Variants in STPG2 observed in about 807,000 individuals in gnomAD.
STPG2 encodes the protein sperm tail PG-rich repeat containing 2.
In STPG2, 56 loss-of-function variants were observed where a neutral mutation model predicts 54.2. The observed-to-expected ratio is 1.03, with a 90% CI of 0.83 to 1.29. The LOEUF (loss-of-function observed/expected upper bound fraction) is 1.29, where lower values mean the gene tolerates loss of function less well. STPG2 is among the 50% of genes most tolerant of loss of function. STPG2 has a pLI of 0.00. For synonymous variants in STPG2, 200 were observed against 181.8 expected, an observed-to-expected ratio of 1.10 and a Z score of -0.81; for missense variants, 596 against 544.9, an observed-to-expected ratio of 1.09 and a Z score of -0.93.
At chr4:97,979,810 C>T (rs1464762879) in intron 6 of STPG2, among the ~76,000 whole-genome samples, 7 of 151,538 alleles carry the variant, frequency 4.6e-5, no homozygotes, top group African/African-American at 1.5e-4. Context: ...CTGCAACCTC[C>T]GCCTCCCAGG....
intron 5 of STPG2, among the ~76,000 whole-genome samples, chr4:98,009,176 CTTGT>C (rs1735662650): frequency 1.3e-5 from 2 of 151,568 alleles, no homozygotes; most frequent in South Asian, 4.2e-4. Context: ...TAACTTTGGG[CTTGT>C]TTATTTCAGA....
At chr4:97,718,466 G>A (rs1724357686) in intron 9 of STPG2, among the ~76,000 whole-genome samples, 5 of 151,904 alleles carry the variant, frequency 3.3e-5, no homozygotes, top group Admixed American at 3.3e-4. Flanking sequence ...CCAGAAAGAG[G>A]AGCCTACATT....
At chr4:98,020,174 T>A (rs1307280556) in intron 5 of STPG2, among the ~76,000 whole-genome samples, 1 of 132,962 alleles carries the variant, frequency 7.5e-6, no homozygotes, top group Admixed American at 7.3e-5. Context: ...TAGCTCTTAT[T>A]ATTTTGAGAT....
At chr4:97,759,669 T>C (rs777763648) in intron 9 of STPG2, among the ~76,000 whole-genome samples, 2 of 152,026 alleles carry the variant, frequency 1.3e-5, no homozygotes, top group Non-Finnish European at 2.9e-5. Flanking sequence ...CATATAAAAC[T>C]GAAAAAATTA....
At chr4:97,930,879 T>C (rs956073525) in intron 8 of STPG2, among the ~76,000 whole-genome samples, 6 of 152,200 alleles carry the variant, frequency 3.9e-5, no homozygotes, top group Non-Finnish European at 7.3e-5. Flanking sequence ...GTTTTGTAAT[T>C]CTCATTTTAG....
At chr4:97,732,639 G>A (rs1226370354) in intron 9 of STPG2, among the ~76,000 whole-genome samples, 1 of 151,808 alleles carries the variant, frequency 6.6e-6, no homozygotes, top group East Asian at 1.9e-4. Context: ...CAACCCACAA[G>A]AAAATATTTG....
chr4:97,889,548 C>A (rs887498653), intron 8 of STPG2, among the ~76,000 whole-genome samples: 1 of 152,006 alleles, frequency 6.6e-6, no homozygotes, highest in African/African-American at 2.4e-5. Flanking sequence ...TTATGTTACA[C>A]AAAATAAGCC....
chr4:97,930,177 A>G (rs559359032), intron 8 of STPG2, among the ~76,000 whole-genome samples: 27 of 152,254 alleles, frequency 1.8e-4, no homozygotes, highest in African/African-American at 6.3e-4. Flanking sequence ...GATTACAGGC[A>G]TGAGCCACCA....
At chr4:97,838,502 A>G (rs1336235814) in intron 9 of STPG2, among the ~76,000 whole-genome samples, 1 of 151,132 alleles carries the variant, frequency 6.6e-6, no homozygotes, top group East Asian at 1.9e-4. Flanking sequence ...ATTAAAAAGA[A>G]TAGACAATTT....
chr4:98,006,310 A>T (rs1386441713), intron 5 of STPG2, among the ~76,000 whole-genome samples: 1 of 152,186 alleles, frequency 6.6e-6, no homozygotes, highest in Non-Finnish European at 1.5e-5. Context: ...TCCACTGGGG[A>T]ACAGTGCAAC....
chr4:97,656,504 TCATTGTTGCTCAATATCACTGAGCATTCC>T (rs1443323687), intron 10 of STPG2, among the ~76,000 whole-genome samples: 1 of 152,014 alleles, frequency 6.6e-6, no homozygotes, highest in African/African-American at 2.4e-5. Context: ...ATATAACAAG[TCATTGTTGCTCAATATCACTGAGCATTCC>T]CCTTCTTGCT....
rs371129796 is a variant in STPG2, at chr4:97,559,152, C to T, written c.1321-35G>A. The T allele has an allele frequency of 6.6e-5, 90 of 1,357,000 alleles. No homozygotes were observed. In the Middle Eastern group the frequency reaches 7.4e-4, roughly 11 times the overall value. The allele number at this position is 1,357,000 out of a possible 1,614,324, so 84.1% of individuals were successfully genotyped here. On this transcript the variant is annotated intron_variant, in intron 10 of 10. Coordinates refer to ENST00000295268, the MANE Select transcript of STPG2 (RefSeq NM_174952.3). ...AAGAATGAGAAAAAAAGGAGGAAAA[C>T]ATCTACTTACAAAAAGAAAAATAAT... is the stretch of plus-strand genomic sequence containing the variant.
intron 7 of STPG2, among the ~76,000 whole-genome samples, chr4:97,949,361 T>A (rs1331153246): frequency 6.6e-6 from 1 of 152,204 alleles, no homozygotes; most frequent in Non-Finnish European, 1.5e-5. Flanking sequence ...TTTGTGATTT[T>A]TCTTATCTAA....
At chr4:97,755,743 CTAAGTT>C (rs1241025616) in intron 9 of STPG2, among the ~76,000 whole-genome samples, 1 of 152,154 alleles carries the variant, frequency 6.6e-6, no homozygotes, top group Non-Finnish European at 1.5e-5. Flanking sequence ...AAAGCTCTCT[CTAAGTT>C]TATTTTCTTA....
chr4:98,003,785 T>C (rs1735487795), intron 5 of STPG2, among the ~76,000 whole-genome samples: 1 of 152,108 alleles, frequency 6.6e-6, no homozygotes, highest in Non-Finnish European at 1.5e-5. Context: ...ATTCATACTT[T>C]TCACTTTTTG....
intron 5 of STPG2, among the ~76,000 whole-genome samples, chr4:98,041,991 A>G (rs958619785): frequency 1.3e-5 from 2 of 151,788 alleles, no homozygotes; most frequent in African/African-American, 4.8e-5. Flanking sequence ...GAGATTTTTT[A>G]TTACTGATTC....
intron 5 of STPG2, among the ~76,000 whole-genome samples, chr4:98,046,516 A>G (rs1478062469): frequency 6.6e-6 from 1 of 152,108 alleles, no homozygotes; most frequent in Non-Finnish European, 1.5e-5. Flanking sequence ...TGCCTCTGAA[A>G]CCAGTGAGCT....
intron 8 of STPG2, among the ~76,000 whole-genome samples, chr4:97,848,125 C>T (rs1386226132): frequency 6.6e-6 from 1 of 152,130 alleles, no homozygotes; most frequent in Non-Finnish European, 1.5e-5. Context: ...TCCTTGGCAT[C>T]CAAAGCCTCT....
At chr4:97,508,330 T>C (rs1249173793) in intron 4 of STPG2, among the ~76,000 whole-genome samples, 3 of 152,106 alleles carry the variant, frequency 2.0e-5, no homozygotes, top group African/African-American at 7.2e-5. Context: ...GAGTTTACCA[T>C]ATATTGGTTC....
Sources: gnomAD v4.1 joint callset for allele counts (sites outside exome capture counted in the v4.1 genomes callset) on GRCh38, gnomAD v4.1.1 for gene constraint, MANE v1.5 for transcripts, NCBI Gene and HGNC (gene_info 2026-07-23, HGNC 2026-07-21) for gene names.